The following RAVER2 variants were observed in gnomAD, a reference collection of about 807,000 sequenced individuals.
The protein encoded by RAVER2 is ribonucleoprotein, PTB binding 2, also known as ribonucleoprotein PTB-binding 2.
In RAVER2, 46 loss-of-function variants were observed where a neutral mutation model predicts 78.1. That is an observed-to-expected ratio of 0.59 (90% confidence interval 0.46 to 0.75). RAVER2 has a LOEUF of 0.75. Among genes scored for constraint, RAVER2 ranks in the 30% least tolerant of loss-of-function variants. The pLI, the probability that RAVER2 is intolerant of heterozygous loss-of-function variation, is 0.00. For synonymous variants in RAVER2, 311 were observed against 313.3 expected (o/e 0.99, Z 0.08); for missense variants, 793 against 837.5 (o/e 0.95, Z 0.66).
chr1:64,784,769 C>T (rs1290302618), intron 4 of RAVER2, among the ~76,000 whole-genome samples: 1 of 152,142 alleles, frequency 6.6e-6, no homozygotes, highest in Non-Finnish European at 1.5e-5. Flanking sequence ...GAATCAAAAA[C>T]TCAGTTAATC....
At chr1:64,768,868 T>C in intron 2 of RAVER2, 146 bp downstream of exon 2, 1 of 562,290 alleles carries the variant, frequency 1.8e-6, no homozygotes, top group Non-Finnish European at 3.2e-6. Flanking sequence ...ACACTGTCTA[T>C]TTTCTGAAGG....
At chr1:64,810,441 G>C (rs1323480155) in intron 9 of RAVER2, among the ~76,000 whole-genome samples, 1 of 152,196 alleles carries the variant, frequency 6.6e-6, no homozygotes, top group Non-Finnish European at 1.5e-5. Context: ...AAAGGCTGGA[G>C]CAAGACCTTT....
At chr1:64,802,447 C>G (rs966493464) in intron 5 of RAVER2, among the ~76,000 whole-genome samples, 2 of 152,116 alleles carry the variant, frequency 1.3e-5, no homozygotes, top group Non-Finnish European at 2.9e-5. Context: ...GACTCTTAGA[C>G]GCGATTATGA....
At chr1:64,769,017 G>A (rs1014246904) in intron 2 of RAVER2, among the ~76,000 whole-genome samples, 1 of 151,974 alleles carries the variant, frequency 6.6e-6, no homozygotes, top group Non-Finnish European at 1.5e-5. Flanking sequence ...GTATGTTACT[G>A]GACTTAGTGA....
intron 11 of RAVER2, among the ~76,000 whole-genome samples, chr1:64,825,638 T>G (rs547228484): frequency 6.6e-6 from 1 of 152,322 alleles, no homozygotes; most frequent in East Asian, 1.9e-4. Flanking sequence ...CCCCAATTCT[T>G]ACGATGGCTT....
At chr1:64,772,051 A>G (rs1652335222) in intron 2 of RAVER2, among the ~76,000 whole-genome samples, 2 of 152,160 alleles carry the variant, frequency 1.3e-5, no homozygotes, top group Admixed American at 6.5e-5. Context: ...TTTTAAAAGA[A>G]TTGGGATCAA....
rs866572299 is a variant in RAVER2, at chr1:64,756,587, T to C, written c.249+11166T>C. Among the ~76,000 whole-genome samples the C allele has an allele frequency of 4.6e-5, 7 of 152,180 alleles. No homozygotes were observed. In the South Asian group the frequency reaches 1.4e-3, roughly 32 times the overall value. On this transcript the variant is annotated intron_variant, in intron 1 of 11. Transcript: ENST00000294428. ...GCAAAGATAACACATAGAGTTCCCA[T>C]GTATCCCTTACCCAGTTTCCCCTGA...
rs146959884 is a variant in RAVER2 at position 64,793,576 on chromosome 1, G to A, written c.1105+4062G>A. On this transcript the variant is annotated intron_variant, in intron 5 of 11. Transcript: ENST00000294428. ...TTTTAAACAGCTTTATTGAGGAATA[G>A]TTTATGTACATTAAACTGTAGGTAT... Among the ~76,000 whole-genome samples the A allele has an allele frequency of 7.5e-3, 1,148 of 152,266 alleles. 16 individuals carry two copies. The highest frequency in any genetic ancestry group is 0.026 in the African/African-American group (1,080 of 41,536).
intron 10 of RAVER2, 32 bp from the exon 11 acceptor site, chr1:64,814,671 TA>T: frequency 7.9e-7 from 1 of 1,266,434 alleles, no homozygotes; most frequent in Non-Finnish European, 1.0e-6. Context: ...TAAAATAACC[TA>T]AATAAAATAA....
exon 4 of RAVER2, chr1:64,781,531 G>A: frequency 6.2e-7 from 1 of 1,614,044 alleles, no homozygotes; most frequent in Admixed American, 1.7e-5. Context: ...GGAGCGCCAG[G>A]GCGAAGTACA....
chr1:64,786,573 CT>C (rs1469769658), intron 4 of RAVER2, among the ~76,000 whole-genome samples: 3 of 151,818 alleles, frequency 2.0e-5, no homozygotes, highest in African/African-American at 7.3e-5. Flanking sequence ...GGTGGATCAC[CT>C]GAGGTCAGGA....
At chr1:64,753,523 C>CTTTT (rs59448781) in intron 1 of RAVER2, among the ~76,000 whole-genome samples, 8 of 100,894 alleles carry the variant, frequency 7.9e-5, no homozygotes, top group South Asian at 3.2e-4. Context: ...GTATAGAATT[C>CTTTT]TTTTTTTTTT....
intron 9 of RAVER2, among the ~76,000 whole-genome samples, chr1:64,808,154 G>A (rs1309102802): frequency 1.3e-5 from 2 of 152,020 alleles, no homozygotes; most frequent in Non-Finnish European, 2.9e-5. Context: ...AATTCTGGAA[G>A]ATTTTACCGA....
intron 11 of RAVER2, among the ~76,000 whole-genome samples, chr1:64,829,279 C>A (rs1654069194): frequency 6.6e-6 from 1 of 152,164 alleles, no homozygotes; most frequent in African/African-American, 2.4e-5. Context: ...AGAGCAGGAG[C>A]ATCCCAGATC....
intron 9 of RAVER2, among the ~76,000 whole-genome samples, chr1:64,809,566 A>G (rs926498338): frequency 1.3e-5 from 2 of 152,158 alleles, no homozygotes; most frequent in Non-Finnish European, 2.9e-5. Flanking sequence ...AATTTTATTC[A>G]GGGAGACAGG....
intron 5 of RAVER2, among the ~76,000 whole-genome samples, chr1:64,796,739 T>G (rs1157926990): frequency 6.6e-6 from 1 of 152,098 alleles, no homozygotes. Flanking sequence ...CTCTGGTTGT[T>G]GTCTGTTTTT....
intron 11 of RAVER2, among the ~76,000 whole-genome samples, chr1:64,824,759 G>T (rs753448144): frequency 2.6e-5 from 4 of 151,310 alleles, no homozygotes; most frequent in Admixed American, 6.7e-5. Context: ...GCGAAACCCC[G>T]TCTCTACAGA....
At position 64,804,976 on chromosome 1, in the gene RAVER2, T is replaced by TTTC. The variant is rs768248002; in HGVS notation, c.1297-9_1297-7dup. On this transcript the variant is annotated splice_polypyrimidine_tract_variant and intron_variant, in intron 7 of 11. Transcript: ENST00000294428. The stretch of plus-strand genomic sequence containing the variant: ...CTTATGGCCATGGGTCTTACCTTTT[T>TTTC]TTCTTCTTTTGTAGAAACCCGGCTT... 1 of 1,611,802 alleles carries TTTC rather than the reference T, an allele frequency of 6.2e-7. No individual in the cohort carries two copies. Among genetic ancestry groups the TTTC allele is most frequent in the Non-Finnish European group, 8.5e-7 (1 of 1,178,522 alleles).
At chr1:64,823,980 T>C (rs1653946732) in intron 11 of RAVER2, among the ~76,000 whole-genome samples, 1 of 152,070 alleles carries the variant, frequency 6.6e-6, no homozygotes, top group African/African-American at 2.4e-5. Context: ...CTAATTTTTG[T>C]ATATTTAGTA....
Sources: gnomAD v4.1 joint callset for allele counts (sites outside exome capture counted in the v4.1 genomes callset) on GRCh38, gnomAD v4.1.1 for gene constraint, MANE v1.5 for transcripts, NCBI Gene and HGNC (gene_info 2026-07-23, HGNC 2026-07-21) for gene names.